Variants in MEGF11 observed in about 807,000 individuals in gnomAD.
MEGF11 encodes the protein multiple epidermal growth factor-like domains protein 11.
A neutral mutation model predicts 146.6 loss-of-function variants in MEGF11; 126 were observed. The observed-to-expected ratio is 0.86, with a 90% CI of 0.74 to 1.00. MEGF11 has a LOEUF of 1.00. Ranked by LOEUF, MEGF11 falls within the 50% of genes least tolerant of loss-of-function variation. The pLI is 0.00. For synonymous variants in MEGF11, 532 were observed against 583.4 expected (o/e 0.91, Z 1.27); for missense variants, 1,509 against 1,521.2 (o/e 0.99, Z 0.13).
chr15:65,908,786 C>T (rs758164516), intron 23 of MEGF11, among the ~76,000 whole-genome samples: 2 of 152,218 alleles, frequency 1.3e-5, no homozygotes, highest in Non-Finnish European at 2.9e-5. Flanking sequence ...GTATCTTCTC[C>T]ACCCTAAATA....
intron 5 of MEGF11, among the ~76,000 whole-genome samples, chr15:65,996,222 T>C (rs192821303): frequency 4.4e-4 from 67 of 152,286 alleles, no homozygotes; most frequent in African/African-American, 1.6e-3. Context: ...CAGAGTCACC[T>C]GGGGAAATCC....
At chr15:65,901,513 C>A (rs968060915) in intron 24 of MEGF11, among the ~76,000 whole-genome samples, 4 of 151,308 alleles carry the variant, frequency 2.6e-5, no homozygotes. Flanking sequence ...TAGTTGAACC[C>A]CTATTGTCTC....
At chr15:66,022,896 T>C (rs1346715019) in intron 5 of MEGF11, among the ~76,000 whole-genome samples, 1 of 149,408 alleles carries the variant, frequency 6.7e-6, no homozygotes, top group Non-Finnish European at 1.5e-5. Flanking sequence ...ATGACTGTAA[T>C]CCTAGCACTT....
At chr15:65,972,480 G>A (rs1054856297) in intron 7 of MEGF11, among the ~76,000 whole-genome samples, 13 of 151,926 alleles carry the variant, frequency 8.6e-5, no homozygotes, top group African/African-American at 2.2e-4. Flanking sequence ...AGGCTGAGGC[G>A]GGAGGATCTC....
At chr15:66,038,416 T>C (rs1463499500) in intron 5 of MEGF11, among the ~76,000 whole-genome samples, 1 of 152,230 alleles carries the variant, frequency 6.6e-6, no homozygotes, top group Non-Finnish European at 1.5e-5. Flanking sequence ...AAGGGAGCGA[T>C]GCCCTAAAGT....
rs144171079 is a variant in MEGF11 at position 66,247,673 on chromosome 15, T to C, written c.-9+5932A>G. 1.2e-4 allele frequency among the ~76,000 whole-genome samples: 18 copies of C among 152,226 alleles called. 1 individual carries two copies. The East Asian group carries it at 3.5e-3, about 29-fold the overall frequency. On this transcript the variant is annotated intron_variant, in intron 1 of 25. Coordinates refer to ENST00000395614, the MANE Select transcript of MEGF11 (RefSeq NM_001385028.1). ...GGAGGATCACTTGAGCCCAAGAGTT[T>C]GAGGCTGCAGTGAGCTATGATAGCA...
At position 65,918,035 on chromosome 15, in the gene MEGF11, C is replaced by T. The variant is rs762469413; in HGVS notation, c.2017G>A (p.Gly673Arg). The T allele has an allele frequency of 4.2e-5, 67 of 1,613,870 alleles. No individual in the cohort carries two copies. In the East Asian group the frequency reaches 1.0e-3, roughly 24 times the overall value. Residue 673 changes from glycine (G) to arginine (R), a missense_variant, in exon 16 of 26, where the codon GGG becomes AGG. Transcript: ENST00000395614. ...GAGCCATCGATAGGGCTGCAGGTCC[C>T]GTTGTTGGCACAGGAGCAGAGCTGG... ...CAQLCSCANN[G>R]TCSPIDGSCQ...
intron 11 of MEGF11, 129 bp downstream of exon 11, chr15:65,930,694 A>T (rs1402071428): frequency 8.3e-7 from 1 of 1,199,380 alleles, no homozygotes; most frequent in Non-Finnish European, 1.1e-6. Flanking sequence ...CCCAACCAAT[A>T]TAGGCTCCCT....
At chr15:66,250,917 G>GAA in intron 1 of MEGF11, among the ~76,000 whole-genome samples, 1 of 150,374 alleles carries the variant, frequency 6.7e-6, no homozygotes, top group South Asian at 2.1e-4. Flanking sequence ...AAAAAAGAAT[G>GAA]AAAAAAAAAG....
chr15:66,061,738 A>AT (rs756571172), intron 5 of MEGF11, among the ~76,000 whole-genome samples: 7 of 151,748 alleles, frequency 4.6e-5, no homozygotes, highest in Non-Finnish European at 7.4e-5. Context: ...TGGGCTCAAA[A>AT]AATCCTCCCG....
At chr15:66,219,880 A>G (rs369508016) in intron 1 of MEGF11, among the ~76,000 whole-genome samples, 24 of 152,228 alleles carry the variant, frequency 1.6e-4, no homozygotes, top group African/African-American at 5.5e-4. Flanking sequence ...GAATGGTTAA[A>G]CAAGCTGTGG....
intron 1 of MEGF11, among the ~76,000 whole-genome samples, chr15:66,138,158 G>C (rs2088977915): frequency 6.6e-6 from 1 of 152,118 alleles, no homozygotes; most frequent in Admixed American, 6.5e-5. Context: ...CCCTCCTCCA[G>C]GCCCAGATTC....
chr15:66,010,100 G>T (rs1290194940), intron 5 of MEGF11, among the ~76,000 whole-genome samples: 1 of 151,274 alleles, frequency 6.6e-6, no homozygotes, highest in Non-Finnish European at 1.5e-5. Flanking sequence ...GGCTTCCCAG[G>T]GCCACATTGG....
intron 3 of MEGF11, among the ~76,000 whole-genome samples, chr15:66,121,301 G>T (rs189864923): frequency 2.0e-5 from 3 of 152,160 alleles, no homozygotes; most frequent in Non-Finnish European, 4.4e-5. Context: ...GACCAGGGCC[G>T]CAAGCAGCCA....
chr15:66,025,053 C>A (rs2083281083), intron 5 of MEGF11, among the ~76,000 whole-genome samples: 1 of 152,096 alleles, frequency 6.6e-6, no homozygotes, highest in South Asian at 2.1e-4. Flanking sequence ...TGGAGTGAGC[C>A]CCTCACTGGA....
rs1029935785 is a variant in MEGF11, at chr15:66,165,213, G to A, written c.-8-36802C>T. 3.9e-5 allele frequency among the ~76,000 whole-genome samples: 6 copies of A among 152,302 alleles called. No homozygotes were observed. The South Asian group carries it at 6.2e-4, about 16-fold the overall frequency. On this transcript the variant is annotated intron_variant, in intron 1 of 25. Coordinates refer to ENST00000395614, the MANE Select transcript of MEGF11 (RefSeq NM_001385028.1). Reference sequence around the variant, plus strand: ...CCTGGACTTGGCATCTGGCAGGCACGGGTTTGAATCCTGCTTCCACCACCC... The same window carrying A: ...CCTGGACTTGGCATCTGGCAGGCACAGGTTTGAATCCTGCTTCCACCACCC...
Position 65,912,191 on chromosome 15 carries a change from TG to T in MEGF11, c.2719del (p.Gln907LysfsTer56). 1 of 1,232,350 alleles carries T rather than the reference TG, an allele frequency of 8.1e-7. No individual in the cohort carries two copies. Among genetic ancestry groups the T allele is most frequent in the Non-Finnish European group, 1.0e-6 (1 of 988,130 alleles). 76.3% of individuals were successfully genotyped at this position (1,232,350 alleles called of 1,614,324 possible). On this transcript the variant is annotated frameshift_variant, in exon 21 of 26. Coordinates refer to ENST00000395614, the MANE Select transcript of MEGF11 (RefSeq NM_001385028.1). LOFTEE classifies it high-confidence loss of function. ...AAAGCAGTGGGCATGGCTGCTACTTTGAGACAAATCTGGGAAGAGAACAAGG... is the reference window on the plus strand; with the variant it reads ...AAAGCAGTGGGCATGGCTGCTACTTTAGACAAATCTGGGAAGAGAACAAGG... ...STDYSLSDLS[Q>X]SSSHAHCFSN... is the part of the protein sequence containing the mutation.
intron 4 of MEGF11, among the ~76,000 whole-genome samples, chr15:66,100,860 G>C (rs2086764819): frequency 7.1e-6 from 1 of 140,972 alleles, no homozygotes; most frequent in South Asian, 2.6e-4. Flanking sequence ...GGATGGGTGG[G>C]TGGGTGGGTG....
At chr15:66,113,366 C>T (rs1484037551) in intron 4 of MEGF11, among the ~76,000 whole-genome samples, 1 of 152,212 alleles carries the variant, frequency 6.6e-6, no homozygotes, top group African/African-American at 2.4e-5. Context: ...TGGCCTCTGG[C>T]ATTCCAAGCC....
Sources: gnomAD v4.1 joint callset for allele counts (sites outside exome capture counted in the v4.1 genomes callset) on GRCh38, gnomAD v4.1.1 for gene constraint, MANE v1.5 for transcripts, NCBI Gene and HGNC (gene_info 2026-07-23, HGNC 2026-07-21) for gene names.